POM121C: variants seen among roughly 807,000 people sequenced by gnomAD.
The protein encoded by POM121C is POM121 transmembrane nucleoporin C, also known as nuclear envelope pore membrane protein POM 121C.
A neutral mutation model predicts 66.4 loss-of-function variants in POM121C; 20 were observed. The observed-to-expected ratio is 0.30, with a 90% CI of 0.21 to 0.44. The LOEUF is 0.44. Among genes scored for constraint, POM121C ranks in the 20% least tolerant of loss-of-function variants. POM121C has a pLI of 1.00. For missense variants in POM121C, 580 were observed against 1,225.7 expected, an observed-to-expected ratio of 0.47 and a Z score of 7.87; for synonymous variants, 286 against 528.0, an observed-to-expected ratio of 0.54 and a Z score of 6.28.
chr7:75,442,447 T>C lies in POM121C; in HGVS notation c.-151-800A>G, dbSNP rs1554474197. On this transcript the variant is annotated intron_variant, in intron 3 of 14. Coordinates refer to ENST00000615331, the MANE Select transcript of POM121C (RefSeq NM_001099415.3). The stretch of plus-strand genomic sequence containing the variant: ...ACTTGGCCGGAGGCGAAGCGAACAG[T>C]GTTCGCCGATGTCGCGCCTTCTGAA... 8 of 1,418,274 alleles carry C rather than the reference T, an allele frequency of 5.6e-6. No homozygotes were observed. In the Admixed American group the frequency reaches 2.0e-4, roughly 35 times the overall value. 87.9% of individuals were successfully genotyped at this position (1,418,274 alleles called of 1,614,324 possible). A position where few individuals can be genotyped will look rare whatever the true frequency, so the allele number is the denominator to read the frequency against.
rs1584636717 is a variant in POM121C at position 75,417,193 on chromosome 7, C to T, written c.*1603G>A. 18 of 967,524 alleles carry T rather than the reference C, an allele frequency of 1.9e-5. No individual in the cohort carries two copies. Among genetic ancestry groups the T allele is most frequent in the Middle Eastern group, 5.3e-4 (1 of 1,882 alleles). The allele number at this position is 967,524 out of a possible 1,614,324, so 59.9% of individuals were successfully genotyped here. ...CTCAGTCACAACGGGGAGGGGGCACCGGTTACATCTACATCACATTATTTA... is the reference window on the plus strand; with the variant it reads ...CTCAGTCACAACGGGGAGGGGGCACTGGTTACATCTACATCACATTATTTA... On this transcript the variant is annotated 3_prime_UTR_variant, in exon 15 of 15. Transcript: ENST00000615331.
At position 75,417,682 on chromosome 7, in the gene POM121C, G is replaced by C; in HGVS notation, c.*1114C>G. The C allele has an allele frequency of 1.0e-6, 1 of 985,816 alleles. No homozygotes were observed. Among genetic ancestry groups the C allele is most frequent in the Non-Finnish European group, 1.2e-6 (1 of 829,914 alleles). The allele number at this position is 985,816 out of a possible 1,614,324, so 61.1% of individuals were successfully genotyped here. A position where few individuals can be genotyped will look rare whatever the true frequency, so the allele number is the denominator to read the frequency against. On this transcript the variant is annotated 3_prime_UTR_variant, in exon 15 of 15. Coordinates refer to ENST00000615331, the MANE Select transcript of POM121C (RefSeq NM_001099415.3). ...GCCTCCAGTGAGGTCAGTTAAGTGG[G>C]ACAGAAACCGCAGAGGGAAGAGGTC... is the stretch of plus-strand genomic sequence containing the variant.
chr7:75,430,273 G>C (rs1373885973), intron 7 of POM121C, among the ~76,000 whole-genome samples: 2 of 152,120 alleles, frequency 1.3e-5, no homozygotes, highest in East Asian at 1.9e-4. Context: ...TAAAGTATAA[G>C]GGTAGGGGTA....
At chr7:75,476,550 T>C (rs1228199660) in intron 1 of POM121C, among the ~76,000 whole-genome samples, 5 of 151,924 alleles carry the variant, frequency 3.3e-5, no homozygotes, top group Admixed American at 6.6e-5. Flanking sequence ...GCTAGGCTGG[T>C]GGGCTGAGAA....
chr7:75,447,267 G>C (rs1563147517), intron 3 of POM121C, among the ~76,000 whole-genome samples: 1 of 151,804 alleles, frequency 6.6e-6, no homozygotes, highest in African/African-American at 2.4e-5. Flanking sequence ...AAAAATATTA[G>C]AAGAAATAAT....
intron 12 of POM121C, among the ~76,000 whole-genome samples, chr7:75,423,739 G>C (rs1393467315): frequency 6.6e-6 from 1 of 152,150 alleles, no homozygotes; most frequent in African/African-American, 2.4e-5. Context: ...AGGATATCCT[G>C]ACCACGCCAC....
intron 3 of POM121C, among the ~76,000 whole-genome samples, chr7:75,468,313 C>CTTTTTTT (rs59483137): frequency 7.8e-5 from 7 of 89,726 alleles, no homozygotes; most frequent in African/African-American, 2.0e-4. Flanking sequence ...AAGACTCCAG[C>CTTTTTTT]TTTTTTTTTT....
chr7:75,467,266 T>C (rs1385067082), intron 3 of POM121C, among the ~76,000 whole-genome samples: 1 of 152,196 alleles, frequency 6.6e-6, no homozygotes, highest in Non-Finnish European at 1.5e-5. Context: ...GCGTGGTGGC[T>C]CACGCCTGTA....
intron 3 of POM121C, among the ~76,000 whole-genome samples, chr7:75,459,356 T>TAAC (rs1791366706): frequency 7.1e-6 from 1 of 140,990 alleles, no homozygotes; most frequent in Admixed American, 7.4e-5. Context: ...TCCCAGCACT[T>TAAC]TGGGAAGCTG....
At chr7:75,483,059 G>A (rs587663128) in intron 1 of POM121C, among the ~76,000 whole-genome samples, 1,790 of 152,162 alleles carry the variant, frequency 0.012, 43 homozygotes, top group African/African-American at 0.04. Context: ...TTTGACGGAT[G>A]ATCACGTCAT....
chr7:75,446,879 G>T (rs1203321553), intron 3 of POM121C, among the ~76,000 whole-genome samples: 2 of 148,412 alleles, frequency 1.3e-5, no homozygotes, highest in African/African-American at 4.9e-5. Context: ...ATGGTGGCGG[G>T]CGCCTGTAGT....
intron 3 of POM121C, among the ~76,000 whole-genome samples, chr7:75,450,211 G>A (rs2116445164): frequency 6.6e-6 from 1 of 152,322 alleles, no homozygotes; most frequent in East Asian, 1.9e-4. Context: ...GCCATGGTCT[G>A]TGGCATTTTG....
At position 75,421,921 on chromosome 7, in the gene POM121C, C is replaced by G. The variant is rs782456094; in HGVS notation, c.2331G>C (p.Leu777Phe). The change falls in exon 13 of 15, where the codon TTG becomes TTC. Residue 777 changes from leucine (L) to phenylalanine (F), a missense_variant. By Grantham distance (22) the Leu-to-Phe change is conservative. Transcript: ENST00000615331. ...CGCCGAAGGCGGAAGCCGTGGCTTTCAATCCAAACGCCGAGTGCGTGGCAC... is the reference window on the plus strand; with the variant it reads ...CGCCGAAGGCGGAAGCCGTGGCTTTGAATCCAAACGCCGAGTGCGTGGCAC... ...FGGATHSAFG[L>F]KATASAFGAP... is the part of the protein sequence containing the mutation. The G allele has an allele frequency of 1.5e-5, 24 of 1,613,386 alleles. No homozygotes were observed. In the South Asian group the frequency reaches 2.3e-4, roughly 16 times the overall value.
intron 9 of POM121C, 150 bp from the exon 10 acceptor site, chr7:75,425,345 T>C: frequency 2.8e-6 from 2 of 726,698 alleles, no homozygotes. Flanking sequence ...TGGATGGTGT[T>C]TGTAAGATTA....
chr7:75,470,537 CAACCTGAG>C, intron 3 of POM121C, among the ~76,000 whole-genome samples: 1 of 152,186 alleles, frequency 6.6e-6, no homozygotes, highest in Non-Finnish European at 1.5e-5. Flanking sequence ...TAGCTCACTG[CAACCTGAG>C]AACTCTGAGC....
intron 3 of POM121C, among the ~76,000 whole-genome samples, chr7:75,461,305 A>G (rs1791433664): frequency 6.6e-6 from 1 of 152,142 alleles, no homozygotes; most frequent in South Asian, 2.1e-4. Flanking sequence ...ACTGAACACC[A>G]TCATCGACCA....
intron 1 of POM121C, among the ~76,000 whole-genome samples, chr7:75,477,768 AG>A (rs1165000969): frequency 6.6e-6 from 1 of 150,692 alleles, no homozygotes; most frequent in East Asian, 1.9e-4. Flanking sequence ...GTCTCTACAA[AG>A]AAAATAATAT....
chr7:75,482,582 C>T (rs1361886573), intron 1 of POM121C, among the ~76,000 whole-genome samples: 7 of 152,082 alleles, frequency 4.6e-5, no homozygotes, highest in Non-Finnish European at 1.0e-4. Flanking sequence ...CCCAGCTAGG[C>T]GGGAGGCTGA....
intron 1 of POM121C, among the ~76,000 whole-genome samples, chr7:75,485,082 G>A (rs1792467548): frequency 6.6e-6 from 1 of 151,954 alleles, no homozygotes; most frequent in South Asian, 2.1e-4. Flanking sequence ...TGGTCTCAAG[G>A]GATACTCTTG....
Sources: allele counts gnomAD v4.1 joint callset (sites outside exome capture counted in the v4.1 genomes callset), GRCh38; gene constraint gnomAD v4.1.1; transcripts MANE v1.5; gene names NCBI Gene and HGNC (gene_info 2026-07-23, HGNC 2026-07-21).